Variants in KCND3 observed in about 807,000 individuals in gnomAD.
KCND3 encodes the protein potassium voltage-gated channel subfamily D member 3, also known as A-type voltage-gated potassium channel KCND3.
A neutral mutation model predicts 51.1 loss-of-function variants in KCND3; 9 were observed. That is an observed-to-expected ratio of 0.18 (90% CI 0.11 to 0.31). The LOEUF (loss-of-function observed/expected upper bound fraction) is 0.31. Among genes scored for constraint, KCND3 ranks in the 10% least tolerant of loss-of-function variants. The pLI is 1.00. For missense variants in KCND3, 526 were observed against 903.8 expected (o/e 0.58, Z 5.36); for synonymous variants, 349 against 368.0 (o/e 0.95, Z 0.59).
At chr1:111,945,831 T>G (rs1478905663) in intron 2 of KCND3, among the ~76,000 whole-genome samples, 1 of 152,228 alleles carries the variant, frequency 6.6e-6, no homozygotes, top group African/African-American at 2.4e-5. Context: ...TAGGGTCCTC[T>G]GAGGTCTTGG....
chr1:111,971,989 C>T (rs1451815971), intron 2 of KCND3, among the ~76,000 whole-genome samples: 1 of 152,176 alleles, frequency 6.6e-6, no homozygotes, highest in Non-Finnish European at 1.5e-5. Flanking sequence ...GGGTTCCCTT[C>T]CACATTCATC....
At chr1:111,831,553 C>G (rs1217740808) in intron 2 of KCND3, among the ~76,000 whole-genome samples, 2 of 152,154 alleles carry the variant, frequency 1.3e-5, no homozygotes, top group Non-Finnish European at 2.9e-5. Flanking sequence ...TATAAATTAC[C>G]CAGTCTCAGG....
intron 2 of KCND3, among the ~76,000 whole-genome samples, chr1:111,940,210 TGCGGAA>T: frequency 6.6e-6 from 1 of 151,798 alleles, no homozygotes. Flanking sequence ...TTTTTTGCTG[TGCGGAA>T]GCTCTTTAGT....
Position 111,780,587 on chromosome 1 carries a change from G to A in KCND3, c.1371+103C>T. On this transcript the variant is annotated intron_variant, in intron 4 of 7. Coordinates refer to ENST00000302127, the MANE Select transcript of KCND3 (RefSeq NM_001378969.1). The surrounding 1 kb of genome is among the most constrained non-coding windows in gnomAD (Gnocchi z 4.2). ...AAGTTTGGAAACGTGTCCTCCTTGGGGTTCATACTGGGGCTCTGGTGAGAG... is the reference window on the plus strand; with the variant it reads ...AAGTTTGGAAACGTGTCCTCCTTGGAGTTCATACTGGGGCTCTGGTGAGAG... 1 of 1,042,718 alleles carries A rather than the reference G, an allele frequency of 9.6e-7. No homozygotes were observed. Among genetic ancestry groups the A allele is most frequent in the Non-Finnish European group, 1.5e-6 (1 of 684,934 alleles). 64.6% of individuals were successfully genotyped at this position (1,042,718 alleles called of 1,614,324 possible).
intron 2 of KCND3, among the ~76,000 whole-genome samples, chr1:111,905,986 C>T (rs910369088): frequency 6.6e-6 from 1 of 152,166 alleles, no homozygotes; most frequent in African/African-American, 2.4e-5. Flanking sequence ...TCAGCAGTCT[C>T]GTAACTACCT....
At chr1:111,972,055 G>A (rs993604788) in intron 2 of KCND3, among the ~76,000 whole-genome samples, 55 of 151,908 alleles carry the variant, frequency 3.6e-4, no homozygotes, top group Non-Finnish European at 8.8e-5. Flanking sequence ...ACTACCTTTA[G>A]TGGTTCCCTA....
At chr1:111,820,655 T>C (rs537862926) in intron 2 of KCND3, among the ~76,000 whole-genome samples, 2 of 152,298 alleles carry the variant, frequency 1.3e-5, no homozygotes, top group East Asian at 3.9e-4. Context: ...GAATTGTGTC[T>C]TCCAAAAAGA....
At chr1:111,850,656 C>T (rs1036479910) in intron 2 of KCND3, among the ~76,000 whole-genome samples, 14 of 152,174 alleles carry the variant, frequency 9.2e-5, no homozygotes, top group Non-Finnish European at 1.9e-4. Context: ...ATGGCTGGTC[C>T]GGCCACTGGC....
intron 2 of KCND3, among the ~76,000 whole-genome samples, chr1:111,803,028 G>A (rs1428132263): frequency 6.6e-6 from 1 of 152,212 alleles, no homozygotes; most frequent in Non-Finnish European, 1.5e-5. Flanking sequence ...GGCTCCTCCT[G>A]CAGTCCTCAG....
intron 2 of KCND3, among the ~76,000 whole-genome samples, chr1:111,832,074 C>T (rs1666858386): frequency 6.6e-6 from 1 of 152,182 alleles, no homozygotes; most frequent in Non-Finnish European, 1.5e-5. Context: ...TACTTGCCTC[C>T]CATCCCATTA....
In KCND3 at chr1:111,981,058, A is replaced by G. The variant is rs1364587064; in HGVS notation, c.1106+563T>C. Among the ~76,000 whole-genome samples the G allele has an allele frequency of 6.6e-6, 1 of 152,234 alleles. No individual in the cohort carries two copies. Among genetic ancestry groups the G allele is most frequent in the Non-Finnish European group, 1.5e-5 (1 of 68,042 alleles). On this transcript the variant is annotated intron_variant, in intron 2 of 7. Coordinates refer to ENST00000302127, the MANE Select transcript of KCND3 (RefSeq NM_001378969.1). This position sits in a 1 kb window ranked among gnomAD's most constrained non-coding sequence, Gnocchi z 6.2. Reference sequence around the variant, plus strand: ...TCCAGGTTCAGAGTCACTTAGAGAAAGTCTGCTCAGAGCTACTGAACGCTT... The same window carrying G: ...TCCAGGTTCAGAGTCACTTAGAGAAGGTCTGCTCAGAGCTACTGAACGCTT...
intron 2 of KCND3, among the ~76,000 whole-genome samples, chr1:111,935,676 C>T (rs143235084): frequency 5.3e-5 from 8 of 152,300 alleles, no homozygotes; most frequent in Non-Finnish European, 1.2e-4. Flanking sequence ...AGTCCTTCCC[C>T]GCATTAGCTC....
intron 3 of KCND3, among the ~76,000 whole-genome samples, chr1:111,786,490 A>G (rs1484488858): frequency 1.3e-5 from 2 of 152,104 alleles, no homozygotes; most frequent in African/African-American, 4.8e-5. Flanking sequence ...TTGTCCCTGA[A>G]CTCAACGGCC....
At chr1:111,880,496 A>T (rs1669250614) in intron 2 of KCND3, among the ~76,000 whole-genome samples, 1 of 152,176 alleles carries the variant, frequency 6.6e-6, no homozygotes, top group Non-Finnish European at 1.5e-5. Context: ...GGTGGATGGA[A>T]GGTGCCCATC....
chr1:111,843,330 A>C (rs1447756526), intron 2 of KCND3, among the ~76,000 whole-genome samples: 1 of 152,240 alleles, frequency 6.6e-6, no homozygotes, highest in African/African-American at 2.4e-5. Flanking sequence ...GAAGCTGTGC[A>C]CATGGAGAGG....
chr1:111,794,004 G>T (rs1664952587), intron 2 of KCND3, among the ~76,000 whole-genome samples: 1 of 152,124 alleles, frequency 6.6e-6, no homozygotes, highest in Non-Finnish European at 1.5e-5. Flanking sequence ...GTGGTGCCCA[G>T]CCCAGAGTTA....
chr1:111,842,416 C>T (rs1367382826), intron 2 of KCND3, among the ~76,000 whole-genome samples: 5 of 152,182 alleles, frequency 3.3e-5, no homozygotes, highest in Non-Finnish European at 5.9e-5. Context: ...AGTGAGAAAG[C>T]AGTGCCACTC....
intron 2 of KCND3, among the ~76,000 whole-genome samples, chr1:111,852,837 G>C (rs1433978395): frequency 6.6e-6 from 1 of 152,184 alleles, no homozygotes; most frequent in Non-Finnish European, 1.5e-5. Flanking sequence ...AGGTGGGCTT[G>C]CCTAGTGGTG....
At chr1:111,986,924 A>T (rs1012753092) in intron 1 of KCND3, among the ~76,000 whole-genome samples, 1 of 152,160 alleles carries the variant, frequency 6.6e-6, no homozygotes, top group Non-Finnish European at 1.5e-5. Flanking sequence ...CCACCTTCCT[A>T]GAGAGTAAAG....
Sources: allele counts gnomAD v4.1 joint callset (sites outside exome capture counted in the v4.1 genomes callset), GRCh38; gene constraint gnomAD v4.1.1; non-coding constraint Gnocchi (gnomAD v3.1); transcripts MANE v1.5; gene names NCBI Gene and HGNC (gene_info 2026-07-23, HGNC 2026-07-21).